PCNT: variants seen among roughly 807,000 people sequenced by gnomAD.
The protein encoded by PCNT is pericentrin.
A neutral mutation model predicts 380.4 loss-of-function variants in PCNT; 319 were observed. The observed-to-expected ratio is 0.84, with a 90% CI of 0.77 to 0.92. PCNT has a LOEUF of 0.92. Ranked by LOEUF, PCNT falls within the 40% of genes least tolerant of loss-of-function variation. PCNT has a pLI of 0.00. For synonymous variants in PCNT, 1,845 were observed against 1,735.2 expected (o/e 1.06, Z -1.57); for missense variants, 4,400 against 4,255.3 (o/e 1.03, Z -0.95).
chr21:46,417,504 T>C (rs977412698), intron 30 of PCNT, among the ~76,000 whole-genome samples: 3 of 152,022 alleles, frequency 2.0e-5, no homozygotes, highest in African/African-American at 7.3e-5. Flanking sequence ...AAATGCTTCA[T>C]ATTTTTAACA....
chr21:46,428,439 C>T lies in PCNT; in HGVS notation c.7539C>T (p.Asp2513=), dbSNP rs1420720898. ...CCCTGGAGCATCTTCGCTTGCCGGA[C>T]CGGAGCAGCCTGCTGTCCGAGATCC... ...EKSLEHLRLP[D]RSSLLSEIQA... is the part of the protein sequence containing the mutation. The change falls in exon 35 of 47, where the codon GAC becomes GAT. Residue 2513 remains aspartate (D), a synonymous_variant. Coordinates refer to ENST00000359568, the MANE Select transcript of PCNT (RefSeq NM_006031.6). 6.2e-7 allele frequency: 1 copy of T among 1,612,558 alleles called. No individual in the cohort carries two copies. The highest frequency in any genetic ancestry group is 1.1e-5 in the South Asian group (1 of 90,996).
chr21:46,324,526 G>C (rs1185801550), intron 1 of PCNT, among the ~76,000 whole-genome samples: 1 of 149,972 alleles, frequency 6.7e-6, no homozygotes, highest in Non-Finnish European at 1.5e-5. Flanking sequence ...GACGCGCGGC[G>C]CCTCTCGGGC....
Position 46,425,696 on chromosome 21 carries a change from C to A in PCNT, c.7180-135C>A. The A allele has an allele frequency of 7.9e-7, 1 of 1,272,288 alleles. No homozygotes were observed. Among genetic ancestry groups the A allele is most frequent in the Non-Finnish European group, 1.1e-6 (1 of 885,056 alleles). The allele number at this position is 1,272,288 out of a possible 1,614,324, so 78.8% of individuals were successfully genotyped here. A position where few individuals can be genotyped will look rare whatever the true frequency, so the allele number is the denominator to read the frequency against. ...GAAGTGGGTGCCGCCTGTACGAAGC[C>A]GAGGCGGTGCCCTCCCTCTCCACAG... On this transcript the variant is annotated intron_variant, in intron 32 of 46. Coordinates refer to ENST00000359568, the MANE Select transcript of PCNT (RefSeq NM_006031.6). The surrounding 1 kb of genome is among the most constrained non-coding windows in gnomAD (Gnocchi z 4.2).
chr21:46,338,604 CTTT>C (rs35172694), intron 3 of PCNT, among the ~76,000 whole-genome samples: 20 of 115,842 alleles, frequency 1.7e-4, no homozygotes, highest in Middle Eastern at 4.5e-3. Flanking sequence ...ATGAATGTGT[CTTT>C]TTTTTTTTTT....
rs150355356 is a variant in PCNT at position 46,422,108 on chromosome 21, G to A, written c.7163G>A (p.Arg2388His). The change falls in exon 32 of 47, where the codon CGT becomes CAT. Residue 2388 changes from arginine (R) to histidine (H), a missense_variant. By Grantham distance (29) the Arg-to-His change is conservative. Transcript: ENST00000359568. ...LPEAMKEKEVRPKHVKALLQM... is the reference protein window; with the variant it reads ...LPEAMKEKEVHPKHVKALLQM... ...GAAGCCATGAAGGAGAAGGAAGTGCGTCCGAAGCACGTGAAGGTATGGCTG... is the reference window on the plus strand; with the variant it reads ...GAAGCCATGAAGGAGAAGGAAGTGCATCCGAAGCACGTGAAGGTATGGCTG... The A allele has an allele frequency of 5.3e-5, 85 of 1,613,698 alleles. No homozygotes were observed. The highest frequency in any genetic ancestry group is 6.7e-5 in the African/African-American group (5 of 74,950).
chr21:46,417,023 T>C (rs534152365), intron 30 of PCNT, among the ~76,000 whole-genome samples, 184 bp downstream of exon 30: 2 of 152,284 alleles, frequency 1.3e-5, no homozygotes, highest in South Asian at 4.1e-4. Flanking sequence ...CAGGTATTTT[T>C]AAAATGCCTG....
chr21:46,359,819 C>T (rs1474433994), intron 13 of PCNT, among the ~76,000 whole-genome samples: 4 of 151,656 alleles, frequency 2.6e-5, no homozygotes, highest in African/African-American at 9.7e-5. Flanking sequence ...TTCCAACCTT[C>T]GTGTGCATTT....
Position 46,435,884 on chromosome 21 carries a change from C to CT in PCNT, c.8752-14dup. 3.7e-6 allele frequency: 6 copies of CT among 1,613,966 alleles called. No homozygotes were observed. The highest frequency in any genetic ancestry group is 5.1e-6 in the Non-Finnish European group (6 of 1,179,980). On this transcript the variant is annotated intron_variant, in intron 38 of 46. Coordinates refer to ENST00000359568, the MANE Select transcript of PCNT (RefSeq NM_006031.6). ...ACACTGACGTGAACGTCTTCTCTGT[C>CT]TTTTTTCTGTTAACAACAGCGAGAA...
Position 46,425,930 on chromosome 21 carries a change from G to A in PCNT, c.7279G>A (p.Asp2427Asn). The A allele has an allele frequency of 6.2e-7, 1 of 1,614,120 alleles. No individual in the cohort carries two copies. The highest frequency in any genetic ancestry group is 8.5e-7 in the Non-Finnish European group (1 of 1,180,028). Residue 2427 changes from aspartate (D) to asparagine (N), a missense_variant, in exon 33 of 47, where the codon GAC (aspartate) becomes AAC (asparagine). Transcript: ENST00000359568. The surrounding 1 kb of genome is among the most constrained non-coding windows in gnomAD (Gnocchi z 4.2). ...CGAGCCACACCCACCCCGGAAGGAA[G>A]ACGAGATACAGGACATCTCGCTCCA... is the stretch of plus-strand genomic sequence containing the variant. ...SGEPHPPRKE[D>N]EIQDISLHGG...
chr21:46,355,089 C>A (rs969270873), intron 11 of PCNT, among the ~76,000 whole-genome samples: 2 of 152,180 alleles, frequency 1.3e-5, no homozygotes, highest in East Asian at 3.9e-4. Flanking sequence ...GAGCCCAGCC[C>A]TGAGATGTGA....
intron 31 of PCNT, among the ~76,000 whole-genome samples, chr21:46,418,798 G>C (rs190499817): frequency 2.7e-4 from 41 of 152,364 alleles, no homozygotes; most frequent in Admixed American, 1.4e-3. Context: ...GCCCTGGAGA[G>C]GAGCCGAGGG....
At chr21:46,357,273 G>A in intron 13 of PCNT, 82 bp downstream of exon 13, 1 of 985,380 alleles carries the variant, frequency 1.0e-6, no homozygotes, top group Non-Finnish European at 1.6e-6. Context: ...CCTTGTGTAT[G>A]GAGGGGCATC....
chr21:46,374,559 CAT>C (rs1227803359), intron 15 of PCNT, among the ~76,000 whole-genome samples: 4 of 152,132 alleles, frequency 2.6e-5, no homozygotes, highest in African/African-American at 9.7e-5. Flanking sequence ...CGTGAAAAGA[CAT>C]AACACAAGCT....
intron 29 of PCNT, among the ~76,000 whole-genome samples, chr21:46,415,836 G>A (rs1569276488): frequency 6.6e-6 from 1 of 152,160 alleles, no homozygotes; most frequent in African/African-American, 2.4e-5. Context: ...CTTGTATGAA[G>A]CTTGTGTCCT....
In PCNT at chr21:46,425,701, C is replaced by T. The variant is rs919118540; in HGVS notation, c.7180-130C>T. The T allele has an allele frequency of 1.0e-4, 138 of 1,318,566 alleles. 1 individual carries two copies. Among genetic ancestry groups the T allele is most frequent in the African/African-American group, 1.0e-3 (71 of 69,394 alleles). The allele number at this position is 1,318,566 out of a possible 1,614,324, so 81.7% of individuals were successfully genotyped here. On this transcript the variant is annotated intron_variant, in intron 32 of 46. Transcript: ENST00000359568. The surrounding 1 kb of genome is among the most constrained non-coding windows in gnomAD (Gnocchi z 4.2). Reference sequence around the variant, plus strand: ...GGGTGCCGCCTGTACGAAGCCGAGGCGGTGCCCTCCCTCTCCACAGCTGCC... The same window carrying T: ...GGGTGCCGCCTGTACGAAGCCGAGGTGGTGCCCTCCCTCTCCACAGCTGCC...
intron 16 of PCNT, among the ~76,000 whole-genome samples, chr21:46,383,427 A>G (rs373671431): frequency 0.043 from 4,851 of 113,882 alleles, 1 homozygote; most frequent in Middle Eastern, 0.12. Flanking sequence ...ATTCAGTGGC[A>G]GAAGCGCATT....
intron 35 of PCNT, among the ~76,000 whole-genome samples, chr21:46,429,498 G>A (rs1569296404): frequency 1.3e-5 from 2 of 152,110 alleles, no homozygotes; most frequent in Non-Finnish European, 2.9e-5. Flanking sequence ...GGGGTGGTGG[G>A]CCGGTGCTGT....
intron 43 of PCNT, 60 bp downstream of exon 43, chr21:46,441,144 A>G (rs538529536): frequency 7.7e-6 from 8 of 1,042,754 alleles, no homozygotes; most frequent in African/African-American, 3.1e-5. Flanking sequence ...TGGGCAGCAC[A>G]CTGCATGGTT....
chr21:46,422,270 G>A (rs1023436095), intron 32 of PCNT, 146 bp downstream of exon 32: 29 of 1,084,404 alleles, frequency 2.7e-5, no homozygotes, highest in Non-Finnish European at 3.8e-5. Flanking sequence ...AATGACTCAC[G>A]GGAGGCAGCC....
Sources: gnomAD v4.1 joint callset for allele counts (sites outside exome capture counted in the v4.1 genomes callset) on GRCh38, gnomAD v4.1.1 for gene constraint, Gnocchi (gnomAD v3.1) non-coding constraint, MANE v1.5 for transcripts, NCBI Gene and HGNC (gene_info 2026-07-23, HGNC 2026-07-21) for gene names.